The following MYO1D variants were observed in gnomAD, a reference collection of about 807,000 sequenced individuals.
The protein encoded by MYO1D is myosin ID, also known as unconventional myosin-Id.
In MYO1D, 83 loss-of-function variants were observed where a neutral mutation model predicts 122.0. That is an observed-to-expected ratio of 0.68 (90% CI 0.57 to 0.82). The LOEUF (loss-of-function observed/expected upper bound fraction) is 0.82. MYO1D is among the 40% of genes least tolerant of loss of function. The pLI is 0.00. For missense variants in MYO1D, 1,157 were observed against 1,269.5 expected, an observed-to-expected ratio of 0.91 and a Z score of 1.35; for synonymous variants, 464 against 446.9, an observed-to-expected ratio of 1.04 and a Z score of -0.48.
Position 32,573,979 on chromosome 17 carries a change from C to A in MYO1D, c.2864+31108G>T, listed in dbSNP as rs962005575. ...GCCATTCTCCTGCCTCAGCCTCCTG[C>A]GTAGCTGGGACTACAGGCGCCCGCC... On this transcript the variant is annotated intron_variant, in intron 21 of 21. Transcript: ENST00000318217. Among the ~76,000 whole-genome samples, 45 of 152,182 alleles carry A rather than the reference C, an allele frequency of 3.0e-4. No homozygotes were observed. In the East Asian group the frequency reaches 8.3e-3, roughly 28 times the overall value.
At chr17:32,530,917 T>C (rs1468708377) in intron 21 of MYO1D, among the ~76,000 whole-genome samples, 1 of 152,172 alleles carries the variant, frequency 6.6e-6, no homozygotes, top group African/African-American at 2.4e-5. Flanking sequence ...GGAGAACTGA[T>C]CCTCCCTCAC....
intron 1 of MYO1D, among the ~76,000 whole-genome samples, chr17:32,823,231 A>G (rs2090690561): frequency 6.6e-6 from 1 of 152,148 alleles, no homozygotes; most frequent in South Asian, 2.1e-4. Flanking sequence ...TAACTATCAT[A>G]TGACCACAAG....
intron 11 of MYO1D, among the ~76,000 whole-genome samples, chr17:32,750,927 C>CT (rs2151010525): frequency 6.6e-6 from 1 of 152,256 alleles, no homozygotes; most frequent in African/African-American, 2.4e-5. Flanking sequence ...TGCTCTCTCT[C>CT]TTATTAACCC....
chr17:32,706,209 C>A (rs981575675), intron 16 of MYO1D, among the ~76,000 whole-genome samples: 3 of 152,102 alleles, frequency 2.0e-5, no homozygotes, highest in African/African-American at 4.8e-5. Flanking sequence ...CAGGTTCAAG[C>A]AATTCTCGTT....
At chr17:32,714,131 G>A (rs1428705329) in intron 15 of MYO1D, among the ~76,000 whole-genome samples, 4 of 151,132 alleles carry the variant, frequency 2.6e-5, no homozygotes, top group African/African-American at 2.4e-5. Context: ...AGGCAAATGT[G>A]TGCCATGGTG....
intron 21 of MYO1D, among the ~76,000 whole-genome samples, chr17:32,577,975 G>A (rs1343961953): frequency 6.6e-6 from 1 of 152,084 alleles, no homozygotes; most frequent in African/African-American, 2.4e-5. Flanking sequence ...TCCTGACCTC[G>A]TGATCCGCCC....
At chr17:32,863,585 C>T (rs530250658) in intron 1 of MYO1D, among the ~76,000 whole-genome samples, 2 of 152,318 alleles carry the variant, frequency 1.3e-5, no homozygotes, top group African/African-American at 4.8e-5. Flanking sequence ...TTTAGATCAA[C>T]TTAGTGTGGA....
In MYO1D at chr17:32,528,465, G is replaced by C. The variant is rs140211184; in HGVS notation, c.2865-33550C>G. Among the ~76,000 whole-genome samples the C allele has an allele frequency of 4.6e-3, 696 of 152,200 alleles. 4 individuals carry two copies. Among genetic ancestry groups the C allele is most frequent in the Non-Finnish European group, 7.6e-3 (519 of 67,996 alleles). On this transcript the variant is annotated intron_variant, in intron 21 of 21. Coordinates refer to ENST00000318217, the MANE Select transcript of MYO1D (RefSeq NM_015194.3). The stretch of plus-strand genomic sequence containing the variant: ...TATATGTGTGTGTGCGTATGTGTGT[G>C]TGTGTGTATGTGTGTCGGGGGAATT...
At chr17:32,570,513 G>A (rs958160722) in intron 21 of MYO1D, among the ~76,000 whole-genome samples, 6 of 151,920 alleles carry the variant, frequency 3.9e-5, no homozygotes, top group Non-Finnish European at 8.8e-5. Flanking sequence ...ACAGGCACCC[G>A]CCACATTTTT....
At chr17:32,870,755 A>G (rs1308283531) in intron 1 of MYO1D, among the ~76,000 whole-genome samples, 1 of 152,170 alleles carries the variant, frequency 6.6e-6, no homozygotes, top group Non-Finnish European at 1.5e-5. Flanking sequence ...GATTAAAGGT[A>G]GGTTTGCTTC....
At chr17:32,664,122 A>G (rs1380706385) in intron 16 of MYO1D, among the ~76,000 whole-genome samples, 1 of 152,242 alleles carries the variant, frequency 6.6e-6, no homozygotes. Flanking sequence ...TCAAAGGACA[A>G]GCATTGAAAA....
intron 20 of MYO1D, among the ~76,000 whole-genome samples, chr17:32,621,744 T>TC (rs2087857399): frequency 6.6e-6 from 1 of 152,068 alleles, no homozygotes; most frequent in Admixed American, 6.6e-5. Flanking sequence ...GAAACCCTAA[T>TC]CCCCAGTGTG....
At chr17:32,591,311 A>C (rs1278477365) in intron 21 of MYO1D, among the ~76,000 whole-genome samples, 1 of 152,246 alleles carries the variant, frequency 6.6e-6, no homozygotes, top group East Asian at 1.9e-4. Flanking sequence ...GGTGGGACTG[A>C]GTGCATGTAA....
At chr17:32,778,715 TGA>T (rs1434996983) in intron 2 of MYO1D, 142 bp from the exon 3 acceptor site, 1 of 742,748 alleles carries the variant, frequency 1.3e-6, no homozygotes, top group African/African-American at 1.8e-5. Context: ...TTTGCTTTTT[TGA>T]GTTATTTCGT....
rs376807305 is a variant in MYO1D at position 32,494,839 on chromosome 17, C to T, written c.2941G>A (p.Val981Met). 5.6e-6 allele frequency: 9 copies of T among 1,613,874 alleles called. No homozygotes were observed. Among genetic ancestry groups the T allele is most frequent in the East Asian group, 2.2e-5 (1 of 44,856 alleles). The part of the protein sequence containing the change: ...SLHGKKCTVS[V>M]ETRLNQPQPD... Reference sequence around the variant, plus strand: ...TGGGGCTGGTTGAGCCGCGTCTCCACGGAGACGGTGCACTTCTTCCCGTGC... The same window carrying T: ...TGGGGCTGGTTGAGCCGCGTCTCCATGGAGACGGTGCACTTCTTCCCGTGC... Residue 981 changes from valine to methionine, a missense_variant, in exon 22 of 22, where the codon GTG becomes ATG. Physicochemically the swap from Val to Met is conservative, Grantham distance 21. Coordinates refer to ENST00000318217, the MANE Select transcript of MYO1D (RefSeq NM_015194.3).
rs747351334 is a variant in MYO1D, at chr17:32,659,385, T to C, written c.2122-47A>G. 11 of 1,581,692 alleles carry C rather than the reference T, an allele frequency of 7.0e-6. No individual in the cohort carries two copies. In the Admixed American group the frequency reaches 1.3e-4, roughly 19 times the overall value. ...AGGAAAACGTTATTGACCGGCTGAG[T>C]TGTGGATGGCTTTGATATTATAGCA... On this transcript the variant is annotated intron_variant, in intron 16 of 21. Transcript: ENST00000318217.
intron 20 of MYO1D, chr17:32,627,632 C>G (rs890273594): frequency 1.3e-5 from 2 of 151,950 alleles, no homozygotes; most frequent in African/African-American, 2.4e-5. Context: ...CTCCACAGAA[C>G]GAAAGGAGGT....
chr17:32,823,279 C>T (rs1325314542), intron 1 of MYO1D, among the ~76,000 whole-genome samples: 3 of 152,146 alleles, frequency 2.0e-5, no homozygotes, highest in Non-Finnish European at 4.4e-5. Context: ...CAAGGATAGA[C>T]TGAGTGAGCA....
At position 32,677,572 on chromosome 17, in the gene MYO1D, GATAGATAAAT is replaced by G. The variant is rs2088832749; in HGVS notation, c.2122-18244_2122-18235del. On this transcript the variant is annotated intron_variant, in intron 16 of 21. Transcript: ENST00000318217. Reference sequence around the variant, plus strand: ...CTGGGAAGTCATCAGGGGATATATAGATAGATAAATATATATATATATATATATATATATA... The same window carrying G: ...CTGGGAAGTCATCAGGGGATATATAGATATATATATATATATATATATATA... Among the ~76,000 whole-genome samples the G allele has an allele frequency of 2.4e-5, 3 of 123,452 alleles. No homozygotes were observed. The South Asian group carries it at 8.4e-4, about 35-fold the overall frequency. 81.0% of individuals were successfully genotyped at this position (123,452 alleles called of 152,430 possible). A position where few individuals can be genotyped will look rare whatever the true frequency, so the allele number is the denominator to read the frequency against.
Sources: gnomAD v4.1 joint callset for allele counts (sites outside exome capture counted in the v4.1 genomes callset) on GRCh38, gnomAD v4.1.1 for gene constraint, MANE v1.5 for transcripts, NCBI Gene and HGNC (gene_info 2026-07-23, HGNC 2026-07-21) for gene names.